Variants in PTPRQ observed in about 807,000 individuals in gnomAD.
PTPRQ encodes phosphatidylinositol phosphatase PTPRQ.
A neutral mutation model predicts 246.0 loss-of-function variants in PTPRQ; 199 were observed. That is an observed-to-expected ratio of 0.81 (90% CI 0.72 to 0.91). The LOEUF (loss-of-function observed/expected upper bound fraction) is 0.91. Ranked by LOEUF, PTPRQ falls within the 40% of genes least tolerant of loss-of-function variation. The probability of loss-of-function intolerance (pLI) is 0.00; values close to 1 mark genes in which losing one functional copy is unlikely to be tolerated. For missense variants in PTPRQ, 2,624 were observed against 2,528.4 expected (o/e 1.04, Z -0.81); for synonymous variants, 869 against 853.2 (o/e 1.02, Z -0.32).
At chr12:80,578,586 G>A (rs1290934680) in intron 25 of PTPRQ, among the ~76,000 whole-genome samples, 1 of 151,896 alleles carries the variant, frequency 6.6e-6, no homozygotes, top group Non-Finnish European at 1.5e-5. Context: ...GTAGAGACGA[G>A]GTTCCACCGT....
chr12:80,520,735 C>T (rs1055827223), intron 17 of PTPRQ, among the ~76,000 whole-genome samples: 1 of 152,054 alleles, frequency 6.6e-6, no homozygotes, highest in Non-Finnish European at 1.5e-5. Context: ...GTATATGTGC[C>T]ACATTTTCTT....
At chr12:80,625,927 G>T (rs1000558412) in intron 33 of PTPRQ, among the ~76,000 whole-genome samples, 7 of 152,096 alleles carry the variant, frequency 4.6e-5, no homozygotes. Flanking sequence ...TGATTACAAG[G>T]TTTAATTATA....
At chr12:80,675,286 G>A (rs994360998) in intron 43 of PTPRQ, among the ~76,000 whole-genome samples, 2 of 152,238 alleles carry the variant, frequency 1.3e-5, no homozygotes, top group East Asian at 3.9e-4. Context: ...TTTACATTTT[G>A]TAGTGGAACT....
chr12:80,512,386 G>C (rs942138507), intron 17 of PTPRQ, among the ~76,000 whole-genome samples: 6 of 152,166 alleles, frequency 3.9e-5, no homozygotes, highest in Non-Finnish European at 7.4e-5. Flanking sequence ...AAGGGATGCT[G>C]TTCACCCAGT....
intron 9 of PTPRQ, among the ~76,000 whole-genome samples, chr12:80,492,927 T>C (rs909806643): frequency 6.6e-6 from 1 of 151,944 alleles, no homozygotes; most frequent in Non-Finnish European, 1.5e-5. Flanking sequence ...CTAGAACACT[T>C]ACCATTTGGG....
At chr12:80,650,690 C>T (rs538795137) in intron 37 of PTPRQ, among the ~76,000 whole-genome samples, 6 of 152,014 alleles carry the variant, frequency 3.9e-5, no homozygotes, top group African/African-American at 1.4e-4. Context: ...ATCAATAGTG[C>T]CATAAAATTC....
intron 25 of PTPRQ, among the ~76,000 whole-genome samples, chr12:80,558,147 T>C (rs1455598925): frequency 1.0e-4 from 13 of 130,148 alleles, no homozygotes; most frequent in African/African-American, 5.0e-4. Context: ...TCTTTTCTTT[T>C]CTTTTCTTTT....
intron 39 of PTPRQ, among the ~76,000 whole-genome samples, chr12:80,661,397 C>T (rs1021133840): frequency 2.7e-5 from 4 of 149,968 alleles, no homozygotes; most frequent in Non-Finnish European, 5.9e-5. Context: ...ACTATTCACT[C>T]CTTTAGCAAT....
intron 39 of PTPRQ, among the ~76,000 whole-genome samples, chr12:80,661,961 C>T (rs1388795387): frequency 6.6e-6 from 1 of 151,848 alleles, no homozygotes; most frequent in African/African-American, 2.4e-5. Context: ...AAGTAGCCTG[C>T]TCTACAGGGT....
chr12:80,678,204 T>C (rs931059083), intron 43 of PTPRQ, among the ~76,000 whole-genome samples: 15 of 152,174 alleles, frequency 9.9e-5, no homozygotes, highest in African/African-American at 3.4e-4. Context: ...ACTCACAGAT[T>C]TCAAAAGTAA....
chr12:80,506,303 C>A, intron 15 of PTPRQ, 97 bp downstream of exon 15: 1 of 1,275,426 alleles, frequency 7.8e-7, no homozygotes, highest in Non-Finnish European at 1.0e-6. Context: ...TATTTTCATG[C>A]AGGGTATTAC....
intron 8 of PTPRQ, among the ~76,000 whole-genome samples, chr12:80,475,130 T>C (rs1006828515): frequency 6.6e-6 from 1 of 152,160 alleles, no homozygotes; most frequent in Non-Finnish European, 1.5e-5. Flanking sequence ...TTTCTTCTCA[T>C]AGTTTTTCAT....
At chr12:80,468,455 C>T (rs555109756) in intron 6 of PTPRQ, among the ~76,000 whole-genome samples, 1 of 152,092 alleles carries the variant, frequency 6.6e-6, no homozygotes, top group Non-Finnish European at 1.5e-5. Flanking sequence ...TAGAATGAAA[C>T]TTGCGCAGTG....
At position 80,635,051 on chromosome 12, in the gene PTPRQ, C is replaced by T. The variant is rs1899593139; in HGVS notation, c.5893C>T (p.Leu1965=). 5.2e-6 allele frequency: 8 copies of T among 1,551,094 alleles called. No homozygotes were observed. Among genetic ancestry groups the T allele is most frequent in the Non-Finnish European group, 7.0e-6 (8 of 1,146,730 alleles). The part of the protein sequence containing the change: ...DQLITVADLE[L]KDERLTRLLS... ...GCTCATCACAGTGGCAGACCTGGAA[C>T]TGAAGGACGAGAGATTAACGCGGTG... is the stretch of plus-strand genomic sequence containing the variant. Residue 1965 remains leucine, a synonymous_variant, in exon 35 of 45, where the codon CTG becomes TTG. Coordinates refer to ENST00000644991, the MANE Select transcript of PTPRQ (RefSeq NM_001145026.2).
intron 17 of PTPRQ, among the ~76,000 whole-genome samples, chr12:80,514,402 A>ACACACACACACACACACTCTCTCTCT (rs552667526): frequency 3.5e-5 from 4 of 112,978 alleles, no homozygotes; most frequent in East Asian, 3.1e-4. Context: ...ACACACACAC[A>ACACACACACACACACACTCTCTCTCT]CTCTCTCTCT....
intron 25 of PTPRQ, among the ~76,000 whole-genome samples, chr12:80,576,457 A>G (rs1037508345): frequency 3.5e-5 from 5 of 143,378 alleles, no homozygotes; most frequent in African/African-American, 7.5e-5. Flanking sequence ...TTTTTAGAAG[A>G]AAAAAAAAAA....
chr12:80,462,033 G>A (rs1002667341), intron 6 of PTPRQ: 49 of 700,514 alleles, frequency 7.0e-5, no homozygotes, highest in East Asian at 4.6e-4. Context: ...CGTGCAGTGC[G>A]CCGTGAGAGA....
chr12:80,640,571 G>T (rs1187289430), intron 35 of PTPRQ, among the ~76,000 whole-genome samples: 4 of 152,074 alleles, frequency 2.6e-5, no homozygotes, highest in Non-Finnish European at 5.9e-5. Flanking sequence ...ATCTTTACTT[G>T]CAGATACTCT....
At chr12:80,577,155 T>C (rs1009632138) in intron 25 of PTPRQ, among the ~76,000 whole-genome samples, 8 of 152,228 alleles carry the variant, frequency 5.3e-5, no homozygotes, top group African/African-American at 1.9e-4. Context: ...TCAAGCCAGC[T>C]CATTTTGCCT....
Sources: allele counts gnomAD v4.1 joint callset (sites outside exome capture counted in the v4.1 genomes callset), GRCh38; gene constraint gnomAD v4.1.1; transcripts MANE v1.5; gene names NCBI Gene and HGNC (gene_info 2026-07-23, HGNC 2026-07-21).